Variants in RIMKLB observed in about 807,000 individuals in gnomAD.
The protein encoded by RIMKLB is ribosomal modification protein rimK like family member B.
In RIMKLB, 7 loss-of-function variants were observed where a neutral mutation model predicts 32.0. The observed-to-expected ratio is 0.22, with a 90% CI of 0.12 to 0.41. The LOEUF is 0.41. Among genes scored for constraint, RIMKLB ranks in the 10% least tolerant of loss-of-function variants. The pLI is 1.00. For synonymous variants in RIMKLB, 172 were observed against 185.1 expected (o/e 0.93, Z 0.57); for missense variants, 289 against 498.7 (o/e 0.58, Z 4.00).
At chr12:8,718,632 A>T in intron 2 of RIMKLB, among the ~76,000 whole-genome samples, 4 of 141,630 alleles carry the variant, frequency 2.8e-5, no homozygotes, top group Admixed American at 7.0e-5. Flanking sequence ...ACAAAGCGAG[A>T]CTCCGTCTCT....
upstream of RIMKLB, among the ~76,000 whole-genome samples, chr12:8,677,932 A>ATATTTATTTATT (rs35415396): frequency 2.8e-4 from 41 of 148,342 alleles, no homozygotes; most frequent in African/African-American, 1.0e-3. Flanking sequence ...TATTTTTATT[A>ATATTTATTTATT]TATTTATTTA....
chr12:8,750,862 G>A (rs1478277332), intron 3 of RIMKLB, among the ~76,000 whole-genome samples: 4 of 150,866 alleles, frequency 2.7e-5, no homozygotes, highest in African/African-American at 9.9e-5. Context: ...TAATTTTCTT[G>A]TTTGGAAAAG....
At chr12:8,710,271 C>T (rs1357980176) in intron 1 of RIMKLB, among the ~76,000 whole-genome samples, 2 of 150,822 alleles carry the variant, frequency 1.3e-5, no homozygotes, top group African/African-American at 2.4e-5. Flanking sequence ...ACTACCGCTC[C>T]CCGCCAGTTT....
In RIMKLB at chr12:8,721,551, T is replaced by C. The variant is rs1016800831; in HGVS notation, c.175+7510T>C. ...ATCTGTTCAGCAATCTTCATGAGAC[T>C]GCAGCAGTTTAATCCCGTCTCAGGC... is the stretch of plus-strand genomic sequence containing the variant. On this transcript the variant is annotated intron_variant, in intron 2 of 5. Transcript: ENST00000535829. 2.0e-5 allele frequency among the ~76,000 whole-genome samples: 3 copies of C among 152,202 alleles called. No individual in the cohort carries two copies. The East Asian group carries it at 5.8e-4, about 29-fold the overall frequency.
chr12:8,782,441 AAAAT>A (rs1385785414), intron 7 of RIMKLB, among the ~76,000 whole-genome samples: 1 of 152,166 alleles, frequency 6.6e-6, no homozygotes, highest in African/African-American at 2.4e-5. Flanking sequence ...TAAGCTGTCT[AAAAT>A]AAGTCACAAA....
intron 5 of RIMKLB, among the ~76,000 whole-genome samples, chr12:8,761,493 C>T (rs995489462): frequency 6.6e-6 from 1 of 152,052 alleles, no homozygotes; most frequent in African/African-American, 2.4e-5. Context: ...GCTCCCTGCT[C>T]AAATGCCTGG....
chr12:8,771,874 T>TTTTTG (rs917827779), intron 5 of RIMKLB, among the ~76,000 whole-genome samples: 2 of 152,106 alleles, frequency 1.3e-5, no homozygotes, highest in Non-Finnish European at 1.5e-5. Flanking sequence ...TCCAGTTTTG[T>TTTTTG]TTTTGTTTTG....
In RIMKLB at chr12:8,718,665, ATATATGTG is replaced by A. The variant is rs753013041; in HGVS notation, c.175+4626_175+4633del. 7.4e-3 allele frequency among the ~76,000 whole-genome samples: 770 copies of A among 104,242 alleles called. 6 individuals are homozygous for A. The highest frequency in any genetic ancestry group is 0.019 in the Middle Eastern group (4 of 208). The allele number at this position is 104,242 out of a possible 152,430, so 68.4% of individuals were successfully genotyped here. On this transcript the variant is annotated intron_variant, in intron 2 of 5. Transcript: ENST00000535829. ...TCTCTCTCTCTCTCTATATATATAT[ATATATGTG>A]TGTGTGTGTGTGTGTGTGTGTGTGT... is the stretch of plus-strand genomic sequence containing the variant.
At chr12:8,708,441 C>CTG (rs201723448) in intron 1 of RIMKLB, among the ~76,000 whole-genome samples, 1,537 of 152,210 alleles carry the variant, frequency 0.01, 5 homozygotes, top group Non-Finnish European at 0.016. Context: ...CATTTGTCCT[C>CTG]TGTACAGAAT....
intron 2 of RIMKLB, among the ~76,000 whole-genome samples, chr12:8,719,960 G>T (rs1945275540): frequency 6.6e-6 from 1 of 152,232 alleles, no homozygotes; most frequent in Non-Finnish European, 1.5e-5. Flanking sequence ...GTTGTGAGTA[G>T]AGATAGATCA....
chr12:8,671,462 C>T, the RIMKLB span, among the ~76,000 whole-genome samples: 1 of 152,094 alleles, frequency 6.6e-6, no homozygotes, highest in Admixed American at 6.5e-5. Context: ...GTTGGTCACG[C>T]TGTTCTTGAA....
chr12:8,740,427 T>A (rs1947395872), intron 2 of RIMKLB, among the ~76,000 whole-genome samples: 1 of 152,172 alleles, frequency 6.6e-6, no homozygotes, highest in Admixed American at 6.5e-5. Context: ...GTTTCTCAGA[T>A]GGGTGCACCC....
chr12:8,672,775 C>T, the RIMKLB span, among the ~76,000 whole-genome samples: 1 of 152,174 alleles, frequency 6.6e-6, no homozygotes, highest in African/African-American at 2.4e-5. Context: ...CGTGCTCCTG[C>T]TTTCACCATG....
upstream of RIMKLB, among the ~76,000 whole-genome samples, chr12:8,680,956 TG>T (rs1260372573): frequency 6.6e-6 from 1 of 151,726 alleles, no homozygotes; most frequent in African/African-American, 2.4e-5. Flanking sequence ...CCCTTGTTCC[TG>T]GGGTCAGAGC....
chr12:8,777,562 T>G, downstream of RIMKLB: 1 of 1,276,186 alleles, frequency 7.8e-7, no homozygotes, highest in Non-Finnish European at 1.0e-6. Context: ...ATATTCTAAC[T>G]GCTTGCACTG....
chr12:8,748,323 A>C (rs965264760), intron 2 of RIMKLB, among the ~76,000 whole-genome samples: 3 of 152,302 alleles, frequency 2.0e-5, no homozygotes, highest in Admixed American at 2.0e-4. Flanking sequence ...AACTCTTATT[A>C]CAGTAATTGT....
At chr12:8,771,026 A>T (rs1365764296) in intron 5 of RIMKLB, among the ~76,000 whole-genome samples, 1 of 152,196 alleles carries the variant, frequency 6.6e-6, no homozygotes, top group Non-Finnish European at 1.5e-5. Context: ...GGGAGAAAGG[A>T]TATGGAGCTT....
intron 1 of RIMKLB, among the ~76,000 whole-genome samples, chr12:8,702,947 C>T (rs535380619): frequency 6.6e-6 from 1 of 152,136 alleles, no homozygotes; most frequent in Non-Finnish European, 1.5e-5. Flanking sequence ...TGCCATGTTC[C>T]AGAAATAATT....
chr12:8,676,953 C>T (rs1225235819), upstream of RIMKLB, among the ~76,000 whole-genome samples: 1 of 152,052 alleles, frequency 6.6e-6, no homozygotes, highest in Non-Finnish European at 1.5e-5. Context: ...TGTCACCACT[C>T]GGGCATGAGA....
Sources: gnomAD v4.1 joint callset for allele counts (sites outside exome capture counted in the v4.1 genomes callset) on GRCh38, gnomAD v4.1.1 for gene constraint, MANE v1.5 for transcripts, NCBI Gene and HGNC (gene_info 2026-07-23, HGNC 2026-07-21) for gene names.